The following FBN2 variants were observed in gnomAD, a reference collection of about 807,000 sequenced individuals.
FBN2 encodes fibrillin-2.
FBN2 carries 105 observed loss-of-function variants against 355.6 expected under a neutral mutation model. The ratio of observed to expected loss-of-function variants is 0.30; its 90% confidence interval spans 0.25 to 0.35. FBN2 has a LOEUF of 0.35. FBN2 is among the 10% of genes least tolerant of loss of function. The pLI is 1.00. For missense variants in FBN2, 3,280 were observed against 3,758.7 expected (o/e 0.87, Z 3.33); for synonymous variants, 1,350 against 1,301.2 (o/e 1.04, Z -0.81).
chr5:128,474,393 A>G (rs1254169460), intron 5 of FBN2, among the ~76,000 whole-genome samples: 2 of 152,202 alleles, frequency 1.3e-5, no homozygotes, highest in Admixed American at 1.3e-4. Context: ...GTATCTTAGG[A>G]AAATCTGTAC....
chr5:128,495,761 C>T (rs1755640073), intron 5 of FBN2, among the ~76,000 whole-genome samples: 2 of 151,980 alleles, frequency 1.3e-5, no homozygotes, highest in South Asian at 4.1e-4. Flanking sequence ...CTGACCCCAC[C>T]TCTATAAAAA....
At chr5:128,354,671 C>G (rs1317712780) in intron 20 of FBN2, among the ~76,000 whole-genome samples, 1 of 152,122 alleles carries the variant, frequency 6.6e-6, no homozygotes, top group Non-Finnish European at 1.5e-5. Flanking sequence ...AATAGGTTTG[C>G]TGATGACTTT....
chr5:128,284,435 TG>T (rs1283012323), intron 55 of FBN2, among the ~76,000 whole-genome samples: 1 of 152,200 alleles, frequency 6.6e-6, no homozygotes, highest in African/African-American at 2.4e-5. Context: ...CCATGGTATT[TG>T]CCTACCTTTA....
chr5:128,268,483 C>A (rs1765176647), intron 62 of FBN2, among the ~76,000 whole-genome samples: 1 of 152,128 alleles, frequency 6.6e-6, no homozygotes, highest in Non-Finnish European at 1.5e-5. Context: ...TGAAACTATT[C>A]CAAACAATTG....
intron 55 of FBN2, among the ~76,000 whole-genome samples, chr5:128,280,890 A>G (rs974056193): frequency 6.6e-6 from 1 of 152,118 alleles, no homozygotes; most frequent in Non-Finnish European, 1.5e-5. Context: ...AATTGTTTTC[A>G]CTAAAATTCT....
intron 6 of FBN2, among the ~76,000 whole-genome samples, chr5:128,452,893 C>T (rs188709118): frequency 1.6e-4 from 25 of 152,240 alleles, no homozygotes; most frequent in Middle Eastern, 3.4e-3. Context: ...TCTCAGCCTC[C>T]CTACTTTTGG....
chr5:128,296,816 G>GT (rs1172256056), intron 48 of FBN2, among the ~76,000 whole-genome samples: 3 of 151,814 alleles, frequency 2.0e-5, no homozygotes, highest in Non-Finnish European at 2.9e-5. Context: ...TTTTTGAAGG[G>GT]TTTTTTGTGT....
At chr5:128,349,507 T>C in intron 22 of FBN2, 35 bp from the exon 23 acceptor site, 2 of 1,610,856 alleles carry the variant, frequency 1.2e-6, no homozygotes, top group Non-Finnish European at 1.7e-6. Context: ...GGAGCAAAGA[T>C]GTTACAAATA....
At chr5:128,340,406 G>A (rs1581227949) in intron 25 of FBN2, among the ~76,000 whole-genome samples, 1 of 151,974 alleles carries the variant, frequency 6.6e-6, no homozygotes, top group East Asian at 1.9e-4. Context: ...CTGGCCATGT[G>A]AAAAAAATGT....
intron 4 of FBN2, among the ~76,000 whole-genome samples, chr5:128,527,067 G>A (rs1182623067): frequency 6.6e-6 from 1 of 151,990 alleles, no homozygotes; most frequent in Non-Finnish European, 1.5e-5. Flanking sequence ...GTCTACATCA[G>A]GTAAAAATGC....
At chr5:128,389,611 T>C (rs1253815404) in intron 11 of FBN2, among the ~76,000 whole-genome samples, 1 of 152,164 alleles carries the variant, frequency 6.6e-6, no homozygotes, top group African/African-American at 2.4e-5. Context: ...ATGGGCATCG[T>C]AGCCACTCTG....
intron 6 of FBN2, among the ~76,000 whole-genome samples, chr5:128,455,330 A>C (rs1405941870): frequency 6.6e-6 from 1 of 152,234 alleles, no homozygotes; most frequent in Non-Finnish European, 1.5e-5. Context: ...TTTAATGTAT[A>C]ATAAAATGGA....
chr5:128,458,677 A>G (rs1423114323), intron 6 of FBN2, among the ~76,000 whole-genome samples: 1 of 152,164 alleles, frequency 6.6e-6, no homozygotes, highest in African/African-American at 2.4e-5. Flanking sequence ...TGGAAACTGA[A>G]CAACCTGCTC....
chr5:128,334,728 C>T lies in FBN2; in HGVS notation c.4090G>A (p.Gly1364Arg), dbSNP rs1750789808. The T allele has an allele frequency of 6.2e-7, 1 of 1,614,054 alleles. No individual in the cohort carries two copies. The change falls in exon 31 of 65, where the codon GGA becomes AGA. Residue 1364 changes from glycine (G) to arginine (R), a missense_variant. Transcript: ENST00000262464. ...CAAGCTTGAAACCTACCTGTACATC[C>T]TGTGGTCCCCTTCTTCACTGAGTAA... ...LGYSVKKGTT[G>R]CTDVDECEIG...
chr5:128,343,345 C>A (rs1431709527), intron 25 of FBN2, among the ~76,000 whole-genome samples: 2 of 152,176 alleles, frequency 1.3e-5, no homozygotes, highest in African/African-American at 2.4e-5. Context: ...GCTCTGGAGA[C>A]TGGCACAGGG....
At chr5:128,449,321 C>T (rs1326875494) in intron 6 of FBN2, among the ~76,000 whole-genome samples, 1 of 145,816 alleles carries the variant, frequency 6.9e-6, no homozygotes, top group Non-Finnish European at 1.5e-5. Flanking sequence ...ATACAGTATA[C>T]TATATAGTAT....
At chr5:128,382,282 G>T (rs1331092047) in intron 11 of FBN2, among the ~76,000 whole-genome samples, 1 of 151,942 alleles carries the variant, frequency 6.6e-6, no homozygotes, top group Non-Finnish European at 1.5e-5. Context: ...TCTTGAAAGT[G>T]TGCCCTTCCC....
At chr5:128,307,277 CACAA>C (rs1311529183) in intron 41 of FBN2, 74 bp from the exon 42 acceptor site, 6 of 874,490 alleles carry the variant, frequency 6.9e-6, no homozygotes, top group South Asian at 6.6e-5. Context: ...GTATTACTTT[CACAA>C]ACAAATATAT....
chr5:128,537,153 C>A (rs1246794070), intron 1 of FBN2, among the ~76,000 whole-genome samples, 197 bp downstream of exon 1: 3 of 152,128 alleles, frequency 2.0e-5, no homozygotes, highest in Non-Finnish European at 4.4e-5. Flanking sequence ...AGAGGGCTTT[C>A]CGCCCGCTGA....
Sources: allele counts gnomAD v4.1 joint callset (sites outside exome capture counted in the v4.1 genomes callset), GRCh38; gene constraint gnomAD v4.1.1; transcripts MANE v1.5; gene names NCBI Gene and HGNC (gene_info 2026-07-23, HGNC 2026-07-21).